The following KLF8 variants were observed in gnomAD, a reference collection of about 807,000 sequenced individuals.
The protein encoded by KLF8 is Krueppel-like factor 8.
In KLF8, 10 loss-of-function variants were observed where a neutral mutation model predicts 18.2. That is an observed-to-expected ratio of 0.55 (90% CI 0.34 to 0.93). KLF8 has a LOEUF of 0.93. KLF8 is among the 40% of genes least tolerant of loss of function. KLF8 has a pLI of 0.02. For missense variants in KLF8, 264 were observed against 277.9 expected (o/e 0.95, Z 0.36); for synonymous variants, 109 against 97.3 (o/e 1.12, Z -0.71).
the KLF8 span, among the ~76,000 whole-genome samples, chrX:56,083,533 C>A: frequency 8.9e-6 from 1 of 111,761 alleles, no homozygotes; most frequent in Admixed American, 9.5e-5. Flanking sequence ...AGGCTTTTTA[C>A]TTTTCAGTGC....
Position 56,284,520 on chromosome X carries a change from T to C in KLF8, c.*26T>C, listed in dbSNP as rs772194307. On this transcript the variant is annotated 3_prime_UTR_variant, in exon 6 of 6. Transcript: ENST00000468660. ...GCCGCACAGGTCACACTAGAGAAGCTGCGCTGGTATCTTTCCTGGTCGTGT... is the reference window on the plus strand; with the variant it reads ...GCCGCACAGGTCACACTAGAGAAGCCGCGCTGGTATCTTTCCTGGTCGTGT... 5 of 1,087,891 alleles carry C rather than the reference T, an allele frequency of 4.6e-6. No individual in the cohort carries two copies. Among genetic ancestry groups the C allele is most frequent in the Non-Finnish European group, 4.8e-6 (4 of 826,936 alleles). 89.7% of individuals were successfully genotyped at this position (1,087,891 alleles called of 1,213,427 possible). A position where few individuals can be genotyped will look rare whatever the true frequency, so the allele number is the denominator to read the frequency against.
chrX:56,171,596 C>T, the KLF8 span, among the ~76,000 whole-genome samples: 1 of 111,007 alleles, frequency 9.0e-6, no homozygotes, highest in Non-Finnish European at 1.9e-5. Flanking sequence ...TTGTTAAATT[C>T]CCACCTATGA....
the KLF8 span, among the ~76,000 whole-genome samples, chrX:56,077,452 A>G: frequency 9.0e-6 from 1 of 111,709 alleles, no homozygotes; most frequent in East Asian, 2.8e-4. Context: ...AGATAGTTGT[A>G]GACATGCAGC....
At chrX:56,052,974 C>T in the KLF8 span, among the ~76,000 whole-genome samples, 3 of 111,802 alleles carry the variant, frequency 2.7e-5, no homozygotes, top group Middle Eastern at 4.6e-3. Context: ...TCGTGGTGGG[C>T]CGTTTTTTAA....
chrX:56,264,669 A>G (rs1446398098), intron 2 of KLF8, among the ~76,000 whole-genome samples: 5 of 111,296 alleles, frequency 4.5e-5, no homozygotes, highest in Non-Finnish European at 7.5e-5. Context: ...GAAAATTTCT[A>G]TTAATTTTCT....
At chrX:56,062,023 T>C in the KLF8 span, among the ~76,000 whole-genome samples, 2 of 98,675 alleles carry the variant, frequency 2.0e-5, no homozygotes, top group Non-Finnish European at 2.0e-5. Flanking sequence ...GCTTGGTTAA[T>C]CTTCTGTCCT....
At chrX:56,103,597 T>A in the KLF8 span, among the ~76,000 whole-genome samples, 2 of 111,759 alleles carry the variant, frequency 1.8e-5, no homozygotes, top group Admixed American at 9.5e-5. Context: ...CTTATCAGCT[T>A]AAGGAGATTT....
At chrX:55,995,373 A>C in the KLF8 span, among the ~76,000 whole-genome samples, 27 of 112,031 alleles carry the variant, frequency 2.4e-4, no homozygotes, top group Non-Finnish European at 4.1e-4. Context: ...GGAACATTTA[A>C]CCCATTTACA....
At chrX:56,112,600 GCT>G in the KLF8 span, among the ~76,000 whole-genome samples, 1,247 of 111,514 alleles carry the variant, frequency 0.011, 9 homozygotes, top group Non-Finnish European at 0.018. Context: ...ATGTTGGTAT[GCT>G]TGAAGGTGTC....
the KLF8 span, among the ~76,000 whole-genome samples, chrX:56,113,183 G>A: frequency 1.9e-5 from 2 of 103,667 alleles, no homozygotes; most frequent in East Asian, 5.9e-4. Flanking sequence ...GGGCGACAGA[G>A]CAAGACTCCA....
At chrX:56,177,217 C>A in the KLF8 span, among the ~76,000 whole-genome samples, 8 of 111,452 alleles carry the variant, frequency 7.2e-5, no homozygotes, top group African/African-American at 2.6e-4. Flanking sequence ...TCTGTTTGTT[C>A]ACCATCTTTG....
At chrX:55,964,095 C>T in the KLF8 span, among the ~76,000 whole-genome samples, 12 of 110,906 alleles carry the variant, frequency 1.1e-4, no homozygotes, top group Non-Finnish European at 1.5e-4. Flanking sequence ...TACAACATAC[C>T]ATAATTTCTG....
chrX:55,976,569 TAC>T, the KLF8 span, among the ~76,000 whole-genome samples: 1 of 102,546 alleles, frequency 9.8e-6, no homozygotes, highest in African/African-American at 3.6e-5. Flanking sequence ...TCCATTTGTG[TAC>T]ACACACACAC....
At chrX:55,946,395 C>G in the KLF8 span, among the ~76,000 whole-genome samples, 5 of 111,695 alleles carry the variant, frequency 4.5e-5, no homozygotes, top group African/African-American at 1.6e-4. Context: ...AAAGGATTCC[C>G]TATTTAATAA....
the KLF8 span, among the ~76,000 whole-genome samples, chrX:56,054,325 A>G: frequency 1.8e-5 from 2 of 111,057 alleles, no homozygotes; most frequent in Non-Finnish European, 3.8e-5. Flanking sequence ...TTTGATTTCT[A>G]TTTTAATTTC....
At chrX:56,116,627 A>T in the KLF8 span, among the ~76,000 whole-genome samples, 8 of 57,787 alleles carry the variant, frequency 1.4e-4, no homozygotes, top group Admixed American at 1.8e-3. Flanking sequence ...ATACAGTATG[A>T]TGTTCTGATA....
the KLF8 span, among the ~76,000 whole-genome samples, chrX:56,205,226 C>A: frequency 7.2e-5 from 8 of 111,231 alleles, no homozygotes; most frequent in Non-Finnish European, 1.3e-4. Flanking sequence ...TGTATTTTTT[C>A]TTAAGAAGCA....
the KLF8 span, among the ~76,000 whole-genome samples, chrX:56,004,660 C>T: frequency 1.8e-5 from 2 of 111,271 alleles, no homozygotes; most frequent in African/African-American, 6.5e-5. Context: ...TTCCTCATTT[C>T]GAAGTCTTGC....
the KLF8 span, among the ~76,000 whole-genome samples, chrX:56,077,366 C>G: frequency 1.8e-5 from 2 of 112,030 alleles, no homozygotes; most frequent in East Asian, 2.8e-4. Context: ...ATATGGCTAG[C>G]CGGTTTTCCC....
Sources: gnomAD v4.1 joint callset for allele counts (sites outside exome capture counted in the v4.1 genomes callset) on GRCh38, gnomAD v4.1.1 for gene constraint, MANE v1.5 for transcripts, NCBI Gene and HGNC (gene_info 2026-07-23, HGNC 2026-07-21) for gene names.